The following CBFA2T2 variants were observed in gnomAD, a reference collection of about 807,000 sequenced individuals.
CBFA2T2 encodes CBFA2/RUNX1 partner transcriptional co-repressor 2.
CBFA2T2 carries 11 observed loss-of-function variants against 62.2 expected under a neutral mutation model. That is an observed-to-expected ratio of 0.18 (90% CI 0.11 to 0.29). The LOEUF (loss-of-function observed/expected upper bound fraction) is 0.29, where lower values mean the gene tolerates loss of function less well. CBFA2T2 is among the 10% of genes least tolerant of loss of function. The pLI is 1.00. For missense variants in CBFA2T2, 592 were observed against 774.1 expected (o/e 0.76, Z 2.79); for synonymous variants, 295 against 287.5 (o/e 1.03, Z -0.27).
intron 1 of CBFA2T2, among the ~76,000 whole-genome samples, chr20:33,500,229 A>G (rs910369777): frequency 5.3e-5 from 8 of 152,000 alleles, no homozygotes; most frequent in Admixed American, 1.3e-4. Context: ...TGGTGGGATT[A>G]TAGACGTGAG....
At chr20:33,569,068 A>G (rs1186763155) in intron 1 of CBFA2T2, among the ~76,000 whole-genome samples, 2 of 152,146 alleles carry the variant, frequency 1.3e-5, no homozygotes, top group African/African-American at 4.8e-5. Context: ...AAGCTTTTAG[A>G]CTTTGGATGG....
intron 1 of CBFA2T2, among the ~76,000 whole-genome samples, chr20:33,558,483 C>T (rs2012981028): frequency 6.6e-6 from 1 of 152,108 alleles, no homozygotes; most frequent in Non-Finnish European, 1.5e-5. Flanking sequence ...CTCCATCTCC[C>T]TTTTTTTCCT....
chr20:33,499,414 C>G (rs2011242795), intron 1 of CBFA2T2, among the ~76,000 whole-genome samples: 1 of 152,148 alleles, frequency 6.6e-6, no homozygotes, highest in Admixed American at 6.6e-5. Context: ...AGTAAGATTA[C>G]CAAGGAAGGG....
intron 1 of CBFA2T2, among the ~76,000 whole-genome samples, chr20:33,513,506 T>C (rs2011545115): frequency 6.6e-6 from 1 of 151,504 alleles, no homozygotes; most frequent in African/African-American, 2.4e-5. Flanking sequence ...GGATTACAGG[T>C]GCCCACCATC....
intron 10 of CBFA2T2, among the ~76,000 whole-genome samples, chr20:33,643,859 G>GTGTGTGTA (rs1491172150): frequency 1.0e-5 from 1 of 95,832 alleles, no homozygotes; most frequent in African/African-American, 3.8e-5. Flanking sequence ...GTGTGTGTGT[G>GTGTGTGTA]TATATAATGT....
intron 1 of CBFA2T2, among the ~76,000 whole-genome samples, chr20:33,530,609 G>A (rs2012031905): frequency 6.6e-6 from 1 of 151,716 alleles, no homozygotes; most frequent in South Asian, 2.1e-4. Flanking sequence ...TAAAGACGGG[G>A]TTTCACTATG....
chr20:33,621,997 G>A (rs1395199898), intron 4 of CBFA2T2, among the ~76,000 whole-genome samples: 2 of 152,156 alleles, frequency 1.3e-5, no homozygotes, highest in Admixed American at 1.3e-4. Context: ...TGAAATTTGT[G>A]TTAATAGGAA....
chr20:33,533,955 C>G (rs968040560), intron 1 of CBFA2T2, among the ~76,000 whole-genome samples: 2 of 152,146 alleles, frequency 1.3e-5, no homozygotes, highest in Non-Finnish European at 2.9e-5. Flanking sequence ...CACGCCAGTG[C>G]TCTCCAGCCT....
chr20:33,610,972 A>G, intron 2 of CBFA2T2, 122 bp from the exon 3 acceptor site: 2 of 1,218,086 alleles, frequency 1.6e-6, no homozygotes, highest in Non-Finnish European at 2.3e-6. Context: ...AGTTTTGCAT[A>G]CCTTTATAAC....
At chr20:33,512,148 AG>A (rs1472817856) in intron 1 of CBFA2T2, among the ~76,000 whole-genome samples, 1 of 152,150 alleles carries the variant, frequency 6.6e-6, no homozygotes, top group Non-Finnish European at 1.5e-5. Context: ...ACTGCACTCC[AG>A]GCCAGCGACA....
At chr20:33,532,424 G>A (rs766348148) in intron 1 of CBFA2T2, among the ~76,000 whole-genome samples, 16 of 152,276 alleles carry the variant, frequency 1.1e-4, no homozygotes, top group Non-Finnish European at 1.9e-4. Flanking sequence ...CAGCATACCC[G>A]ATCTACTAGC....
At chr20:33,564,498 G>A (rs1039030722) in intron 1 of CBFA2T2, among the ~76,000 whole-genome samples, 5 of 151,684 alleles carry the variant, frequency 3.3e-5, no homozygotes, top group Admixed American at 6.6e-5. Flanking sequence ...CTTGTGATCC[G>A]CCTGCCTCAG....
intron 1 of CBFA2T2, among the ~76,000 whole-genome samples, chr20:33,588,775 C>T (rs562147695): frequency 2.6e-5 from 4 of 151,876 alleles, no homozygotes; most frequent in African/African-American, 4.8e-5. Context: ...GATGAAACCC[C>T]GTCTCTAGTA....
At chr20:33,606,393 CACTA>C (rs1413538831) in intron 1 of CBFA2T2, among the ~76,000 whole-genome samples, 6 of 152,084 alleles carry the variant, frequency 3.9e-5, no homozygotes, top group African/African-American at 1.4e-4. Flanking sequence ...AACAAAGTAC[CACTA>C]ACTGAGTGGC....
At position 33,606,944 on chromosome 20, in the gene CBFA2T2, G is replaced by T; in HGVS notation, c.35-12G>T. On this transcript the variant is annotated splice_polypyrimidine_tract_variant and intron_variant, in intron 1 of 10. Coordinates refer to ENST00000342704, the MANE Select transcript of CBFA2T2 (RefSeq NM_001032999.3). ...AGAAAACCCTAACCTCCATTTCTCTGATTCTCTGCAGTTGGTCCTGAGAAA... is the reference window on the plus strand; with the variant it reads ...AGAAAACCCTAACCTCCATTTCTCTTATTCTCTGCAGTTGGTCCTGAGAAA... 2 of 1,610,760 alleles carry T rather than the reference G, an allele frequency of 1.2e-6. No homozygotes were observed. The highest frequency in any genetic ancestry group is 1.7e-6 in the Non-Finnish European group (2 of 1,178,404).
intron 1 of CBFA2T2, among the ~76,000 whole-genome samples, chr20:33,544,111 C>T (rs987511991): frequency 6.6e-6 from 1 of 152,134 alleles, no homozygotes; most frequent in Non-Finnish European, 1.5e-5. Context: ...CATGTCAATT[C>T]TCTGCTCAGA....
chr20:33,563,069 G>A (rs2179598), intron 1 of CBFA2T2, among the ~76,000 whole-genome samples: 17,530 of 152,058 alleles, frequency 0.12, 2,765 homozygotes, highest in African/African-American at 0.34. Context: ...CTCATAAAAC[G>A]CTCTTTTCTA....
intron 1 of CBFA2T2, among the ~76,000 whole-genome samples, chr20:33,567,741 C>T (rs1161636639): frequency 2.0e-5 from 3 of 152,022 alleles, no homozygotes; most frequent in Non-Finnish European, 4.4e-5. Flanking sequence ...TGCCACCACG[C>T]CCAGTTAATT....
At chr20:33,509,883 C>T (rs921917567) in intron 1 of CBFA2T2, among the ~76,000 whole-genome samples, 3 of 148,956 alleles carry the variant, frequency 2.0e-5, no homozygotes, top group South Asian at 2.1e-4. Flanking sequence ...AGTTTTGTTA[C>T]ATAGGTATAC....
Sources: allele counts gnomAD v4.1 joint callset (sites outside exome capture counted in the v4.1 genomes callset), GRCh38; gene constraint gnomAD v4.1.1; transcripts MANE v1.5; gene names NCBI Gene and HGNC (gene_info 2026-07-23, HGNC 2026-07-21).